ALG12: variants seen among roughly 807,000 people sequenced by gnomAD.
ALG12 encodes ALG12 alpha-1,6-mannosyltransferase, also known as dol-P-Man:Man(7)GlcNAc(2)-PP-Dol alpha-1,6-mannosyltransferase.
A neutral mutation model predicts 46.0 loss-of-function variants in ALG12; 36 were observed. That is an observed-to-expected ratio of 0.78 (90% confidence interval 0.60 to 1.03). The LOEUF is 1.03. Ranked by LOEUF, ALG12 falls within the 50% of genes least tolerant of loss-of-function variation. The pLI is 0.00. For missense variants in ALG12, 599 were observed against 633.5 expected, an observed-to-expected ratio of 0.95 and a Z score of 0.58; for synonymous variants, 326 against 291.6, an observed-to-expected ratio of 1.12 and a Z score of -1.20.
At chr22:49,897,338 T>C (rs186596446), downstream of ALG12, among the ~76,000 whole-genome samples, 1 of 152,320 alleles carries the variant, frequency 6.6e-6, no homozygotes, top group East Asian at 1.9e-4. Context: ...CTTGAGTAGA[T>C]ACTGAGGAGC....
chr22:49,903,287 T>A lies in ALG12; in HGVS notation c.*551A>T. Reference sequence around the variant, plus strand: ...TTCCTTTTTGAATGTGTTTATCTCCTAAGATTTTATCTGTGATGGAGATGG... The same window carrying A: ...TTCCTTTTTGAATGTGTTTATCTCCAAAGATTTTATCTGTGATGGAGATGG... On this transcript the variant is annotated 3_prime_UTR_variant, in exon 10 of 10. Transcript: ENST00000330817. 1 of 455,642 alleles carries A rather than the reference T, an allele frequency of 2.2e-6. No individual in the cohort carries two copies. The highest frequency in any genetic ancestry group is 4.4e-6 in the Non-Finnish European group (1 of 226,950). The allele number at this position is 455,642 out of a possible 1,614,324, so 28.2% of individuals were successfully genotyped here. A position where few individuals can be genotyped will look rare whatever the true frequency, so the allele number is the denominator to read the frequency against.
At chr22:49,862,303 C>T in the ALG12 span, among the ~76,000 whole-genome samples, 1 of 152,318 alleles carries the variant, frequency 6.6e-6, no homozygotes, top group East Asian at 1.9e-4. Context: ...CGGCGGAGGC[C>T]TTACTTTTTT....
intron 6 of ALG12, among the ~76,000 whole-genome samples, chr22:49,908,247 C>T (rs879318122): frequency 2.6e-5 from 4 of 152,084 alleles, no homozygotes; most frequent in Admixed American, 6.5e-5. Context: ...AACAGATGGT[C>T]GGCCGGGCGC....
chr22:49,903,469 G>C lies in ALG12; in HGVS notation c.*369C>G. 1 of 480,222 alleles carries C rather than the reference G, an allele frequency of 2.1e-6. No individual in the cohort carries two copies. Among genetic ancestry groups the C allele is most frequent in the South Asian group, 1.5e-5 (1 of 64,756 alleles). 29.7% of individuals were successfully genotyped at this position (480,222 alleles called of 1,614,324 possible). On this transcript the variant is annotated 3_prime_UTR_variant, in exon 10 of 10. Transcript: ENST00000330817. ...TGCTGCCAAAATACAGCTCCCCCTGGGTGGGCAGGACACACGTGGCCTCCT... is the reference window on the plus strand; with the variant it reads ...TGCTGCCAAAATACAGCTCCCCCTGCGTGGGCAGGACACACGTGGCCTCCT...
chr22:49,864,552 T>G, the ALG12 span, among the ~76,000 whole-genome samples: 183 of 152,236 alleles, frequency 1.2e-3, no homozygotes, highest in Admixed American at 5.7e-3. Context: ...CATGGTGGCT[T>G]ACGCCTATAA....
At chr22:49,884,724 C>A in the ALG12 span, 1 of 1,593,606 alleles carries the variant, frequency 6.3e-7, no homozygotes, top group Non-Finnish European at 8.6e-7. Context: ...TGTACTCCAC[C>A]CCTCCCACTC....
chr22:49,880,826 TACTG>T, the ALG12 span, among the ~76,000 whole-genome samples: 23 of 152,196 alleles, frequency 1.5e-4, no homozygotes, highest in Admixed American at 1.5e-3. Context: ...TTTGGGAAAA[TACTG>T]ATGTCAACAT....
At position 49,909,343 on chromosome 22, in the gene ALG12, C is replaced by T; in HGVS notation, c.669G>A (p.Leu223=). The stretch of plus-strand genomic sequence containing the variant: ...AAAAATAAGAGTCCACAGCAACCGT[C>T]AGTCCTGACAAAATAAAATAGAGTT... The part of the protein sequence containing the change: ...AVPAGILCLG[L]TVAVDSYFWR... Residue 223 remains leucine, a synonymous_variant, in exon 6 of 10, where the codon CTG becomes CTA. Coordinates refer to ENST00000330817, the MANE Select transcript of ALG12 (RefSeq NM_024105.4). 1 of 1,614,190 alleles carries T rather than the reference C, an allele frequency of 6.2e-7. No homozygotes were observed. The highest frequency in any genetic ancestry group is 8.5e-7 in the Non-Finnish European group (1 of 1,180,032).
At chr22:49,871,756 TA>T in the ALG12 span, among the ~76,000 whole-genome samples, 32 of 46,240 alleles carry the variant, frequency 6.9e-4, 1 homozygote, top group African/African-American at 1.2e-3. Flanking sequence ...TTTATTTATT[TA>T]TTTTTTTTTT....
In ALG12 at chr22:49,906,250, C is replaced by T. The variant is rs1010173690; in HGVS notation, c.992+1471G>A. 1.3e-5 allele frequency among the ~76,000 whole-genome samples: 2 copies of T among 152,186 alleles called. No individual in the cohort carries two copies. Among genetic ancestry groups the T allele is most frequent in the African/African-American group, 4.8e-5 (2 of 41,438 alleles). ...TCTTCCCTGCTGGAAAAGCCTGTCACCGAATACAATCCATCCGCGCCGCTC... is the reference window on the plus strand; with the variant it reads ...TCTTCCCTGCTGGAAAAGCCTGTCATCGAATACAATCCATCCGCGCCGCTC... On this transcript the variant is annotated intron_variant, in intron 7 of 9. Coordinates refer to ENST00000330817, the MANE Select transcript of ALG12 (RefSeq NM_024105.4). The surrounding 1 kb of genome is among the most constrained non-coding windows in gnomAD (Gnocchi z 4.4).
At chr22:49,915,429 C>T (rs1203411934) in intron 1 of ALG12, among the ~76,000 whole-genome samples, 3 of 151,938 alleles carry the variant, frequency 2.0e-5, no homozygotes, top group Non-Finnish European at 4.4e-5. Flanking sequence ...TGGTAGTGCA[C>T]GCCTATAATC....
the ALG12 span, among the ~76,000 whole-genome samples, chr22:49,869,329 G>T: frequency 6.6e-6 from 1 of 152,234 alleles, no homozygotes; most frequent in Non-Finnish European, 1.5e-5. Flanking sequence ...GTGAGTGCAC[G>T]GCTGCCTACC....
rs2060523305 is a variant in ALG12, at chr22:49,903,097, G to A, written c.*741C>T. On this transcript the variant is annotated 3_prime_UTR_variant, in exon 10 of 10. Coordinates refer to ENST00000330817, the MANE Select transcript of ALG12 (RefSeq NM_024105.4). The stretch of plus-strand genomic sequence containing the variant: ...CACTTTGGTGCTTTATAAATGCATG[G>A]TCAGTGAGGCTGACAGCACCAAGCT... 1 of 351,550 alleles carries A rather than the reference G, an allele frequency of 2.8e-6. No individual in the cohort carries two copies. The highest frequency in any genetic ancestry group is 5.6e-6 in the Non-Finnish European group (1 of 179,994). 21.8% of individuals were successfully genotyped at this position (351,550 alleles called of 1,614,324 possible). A position where few individuals can be genotyped will look rare whatever the true frequency, so the allele number is the denominator to read the frequency against.
the ALG12 span, among the ~76,000 whole-genome samples, chr22:49,867,048 A>T: frequency 2.6e-5 from 4 of 152,124 alleles, no homozygotes; most frequent in African/African-American, 9.7e-5. Flanking sequence ...TAGAGCTTTC[A>T]GTTTCTTGCT....
rs2060523258 is a variant in ALG12, at chr22:49,903,092, G to A, written c.*746C>T. The A allele has an allele frequency of 2.8e-6, 1 of 351,418 alleles. No homozygotes were observed. Among genetic ancestry groups the A allele is most frequent in the African/African-American group, 2.2e-5 (1 of 46,434 alleles). 21.8% of individuals were successfully genotyped at this position (351,418 alleles called of 1,614,324 possible). A position where few individuals can be genotyped will look rare whatever the true frequency, so the allele number is the denominator to read the frequency against. On this transcript the variant is annotated 3_prime_UTR_variant, in exon 10 of 10. Transcript: ENST00000330817. Reference sequence around the variant, plus strand: ...ACACGCACTTTGGTGCTTTATAAATGCATGGTCAGTGAGGCTGACAGCACC... The same window carrying A: ...ACACGCACTTTGGTGCTTTATAAATACATGGTCAGTGAGGCTGACAGCACC...
chr22:49,892,187 C>CAAAAAAAAAAA, the ALG12 span, among the ~76,000 whole-genome samples: 1 of 55,344 alleles, frequency 1.8e-5, no homozygotes, highest in African/African-American at 5.6e-5. Context: ...GACTCTGTCT[C>CAAAAAAAAAAA]AAAAAAAAAA....
At chr22:49,869,828 T>G in the ALG12 span, among the ~76,000 whole-genome samples, 1 of 152,184 alleles carries the variant, frequency 6.6e-6, no homozygotes, top group Non-Finnish European at 1.5e-5. Context: ...TCAACTTTGA[T>G]TTTAGATTCA....
At chr22:49,886,444 G>A in the ALG12 span, 2 of 1,578,860 alleles carry the variant, frequency 1.3e-6, no homozygotes, top group Non-Finnish European at 1.7e-6. This position sits in a 1 kb window ranked among gnomAD's most constrained non-coding sequence, Gnocchi z 7.7. Context: ...CGACCAGTGG[G>A]AGGTCATGCA....
chr22:49,916,333 A>G (rs1188027813), intron 1 of ALG12, among the ~76,000 whole-genome samples: 1 of 152,190 alleles, frequency 6.6e-6, no homozygotes, highest in Non-Finnish European at 1.5e-5. Flanking sequence ...CTGTAATCCC[A>G]GCACTTTGGG....
Sources: gnomAD v4.1 joint callset for allele counts (sites outside exome capture counted in the v4.1 genomes callset) on GRCh38, gnomAD v4.1.1 for gene constraint, Gnocchi (gnomAD v3.1) non-coding constraint, MANE v1.5 for transcripts, NCBI Gene and HGNC (gene_info 2026-07-23, HGNC 2026-07-21) for gene names.